NOL4: variants seen among roughly 807,000 people sequenced by gnomAD.
NOL4 encodes the protein cancer/testis antigen 125.
Under a neutral mutation model 75.9 loss-of-function variants are expected in NOL4, and 17 were observed. The observed-to-expected ratio is 0.22, with a 90% confidence interval of 0.15 to 0.34. The LOEUF is 0.34. Ranked by LOEUF, NOL4 falls within the 10% of genes least tolerant of loss-of-function variation. NOL4 has a pLI of 1.00. For synonymous variants in NOL4, 292 were observed against 289.9 expected (o/e 1.01, Z -0.07); for missense variants, 614 against 793.5 (o/e 0.77, Z 2.72).
chr18:33,961,791 G>C (rs578002382), intron 6 of NOL4, among the ~76,000 whole-genome samples: 1 of 151,968 alleles, frequency 6.6e-6, no homozygotes, highest in African/African-American at 2.4e-5. Flanking sequence ...GAGGATCATG[G>C]GAGTTAGCAA....
chr18:33,974,410 A>C (rs2071333489), intron 6 of NOL4, among the ~76,000 whole-genome samples: 1 of 152,134 alleles, frequency 6.6e-6, no homozygotes, highest in Non-Finnish European at 1.5e-5. Flanking sequence ...CTTATTATTC[A>C]TGTGCTCATG....
In NOL4 at chr18:34,201,720, T is replaced by C. The variant is rs577840777; in HGVS notation, c.264+21270A>G. ...CAGATTTCACATGATAGTTCTCAGT[T>C]CCATAACAACCACCTGAAATCTTTC... is the stretch of plus-strand genomic sequence containing the variant. On this transcript the variant is annotated intron_variant, in intron 1 of 10. Transcript: ENST00000261592. Among the ~76,000 whole-genome samples, 66 of 151,822 alleles carry C rather than the reference T, an allele frequency of 4.3e-4. 1 individual carries two copies. The highest frequency in any genetic ancestry group is 6.6e-4 in the Non-Finnish European group (45 of 67,824).
chr18:33,998,536 C>T (rs2073457541), intron 6 of NOL4, among the ~76,000 whole-genome samples: 1 of 151,998 alleles, frequency 6.6e-6, no homozygotes, highest in African/African-American at 2.4e-5. Flanking sequence ...TTTATGCTAT[C>T]TATTACATGA....
intron 5 of NOL4, among the ~76,000 whole-genome samples, chr18:34,030,227 C>T (rs1482976989): frequency 2.0e-5 from 3 of 152,146 alleles, no homozygotes; most frequent in Non-Finnish European, 2.9e-5. Flanking sequence ...TTAATCTCTA[C>T]TCATTTTTAA....
At chr18:34,140,313 TCA>T (rs1472968050) in intron 1 of NOL4, among the ~76,000 whole-genome samples, 2 of 152,214 alleles carry the variant, frequency 1.3e-5, no homozygotes, top group African/African-American at 4.8e-5. Flanking sequence ...TGTGGGAGTC[TCA>T]GTCTCTTTGT....
At chr18:33,952,477 T>A (rs1429614014) in intron 8 of NOL4, among the ~76,000 whole-genome samples, 1 of 152,178 alleles carries the variant, frequency 6.6e-6, no homozygotes, top group Non-Finnish European at 1.5e-5. Context: ...GCTATACATA[T>A]ACATACATGA....
chr18:34,046,399 C>T (rs1463495272), intron 5 of NOL4, among the ~76,000 whole-genome samples: 1 of 151,684 alleles, frequency 6.6e-6, no homozygotes, highest in Non-Finnish European at 1.5e-5. Context: ...CAAATCCCTG[C>T]CAGTCTTCAG....
chr18:34,133,647 G>T (rs2080762925), intron 1 of NOL4, among the ~76,000 whole-genome samples: 1 of 152,112 alleles, frequency 6.6e-6, no homozygotes, highest in Admixed American at 6.6e-5. Flanking sequence ...AGAAACAAAG[G>T]TGTATTGGAG....
At chr18:34,069,412 A>T (rs1272488169) in intron 5 of NOL4, among the ~76,000 whole-genome samples, 1 of 152,216 alleles carries the variant, frequency 6.6e-6, no homozygotes, top group Non-Finnish European at 1.5e-5. Flanking sequence ...CATAAACTTC[A>T]AAAATACACA....
intron 5 of NOL4, among the ~76,000 whole-genome samples, chr18:34,030,114 G>T (rs536693842): frequency 2.6e-5 from 4 of 152,066 alleles, no homozygotes; most frequent in Non-Finnish European, 5.9e-5. Context: ...GTAAAGTAAT[G>T]ATCTAAATAA....
chr18:34,019,196 C>A, intron 6 of NOL4, 122 bp downstream of exon 6: 1 of 790,520 alleles, frequency 1.3e-6, no homozygotes, highest in African/African-American at 1.7e-5. Flanking sequence ...TCTTGGTATC[C>A]TCTTATTGGA....
At chr18:33,961,739 T>A (rs2070143947) in intron 6 of NOL4, among the ~76,000 whole-genome samples, 2 of 151,946 alleles carry the variant, frequency 1.3e-5, no homozygotes, top group Non-Finnish European at 2.9e-5. Context: ...AGGCCATCCA[T>A]TCATCACTGG....
intron 1 of NOL4, chr18:34,156,539 TG>T (rs2030423853): frequency 6.6e-6 from 1 of 152,092 alleles, no homozygotes; most frequent in Admixed American, 6.6e-5. Context: ...GGTAAGGACT[TG>T]GGATGTGGAA....
At chr18:34,001,892 T>A (rs2073741563) in intron 6 of NOL4, 1 of 152,136 alleles carries the variant, frequency 6.6e-6, no homozygotes, top group African/African-American at 2.4e-5. Flanking sequence ...TACATTTAGG[T>A]ACTGAAGTGG....
At chr18:34,110,842 C>T (rs9961203) in intron 2 of NOL4, among the ~76,000 whole-genome samples, 78,535 of 151,556 alleles carry the variant, frequency 0.52, 20,562 homozygotes, top group Admixed American at 0.56. Flanking sequence ...AGTTGCAGGA[C>T]AAAAAAATCA....
rs899822166 is a variant in NOL4, at chr18:34,042,873, G to A, written c.773-23272C>T. On this transcript the variant is annotated intron_variant, in intron 5 of 10. Transcript: ENST00000261592. ...ATTTTTCACACTTGGGAAATAGGTC[G>A]AATCACATTGAGGTTAAGACCATGA... 8.5e-5 allele frequency among the ~76,000 whole-genome samples: 13 copies of A among 152,136 alleles called. 1 individual carries two copies. The highest frequency in any genetic ancestry group is 1.9e-4 in the East Asian group (1 of 5,170).
chr18:34,217,017 C>T (rs1053526578), intron 1 of NOL4, among the ~76,000 whole-genome samples: 2 of 151,904 alleles, frequency 1.3e-5, no homozygotes, highest in African/African-American at 2.4e-5. Flanking sequence ...GTCATTTTAT[C>T]GACTCTTCTT....
At chr18:34,076,236 C>T (rs2077738832) in intron 5 of NOL4, among the ~76,000 whole-genome samples, 1 of 152,138 alleles carries the variant, frequency 6.6e-6, no homozygotes, top group Admixed American at 6.5e-5. Flanking sequence ...GTTGGCTTGG[C>T]AAAGCAGAAC....
At chr18:33,958,650 T>TTTCC (rs1279429317) in intron 6 of NOL4, among the ~76,000 whole-genome samples, 4 of 152,142 alleles carry the variant, frequency 2.6e-5, no homozygotes, top group African/African-American at 9.6e-5. Flanking sequence ...GCATGGAACG[T>TTTCC]TTCCTTCACT....
Sources: gnomAD v4.1 joint callset for allele counts (sites outside exome capture counted in the v4.1 genomes callset) on GRCh38, gnomAD v4.1.1 for gene constraint, MANE v1.5 for transcripts, NCBI Gene and HGNC (gene_info 2026-07-23, HGNC 2026-07-21) for gene names.